The following ALDH1L2 variants were observed in gnomAD, a reference collection of about 807,000 sequenced individuals.
The protein encoded by ALDH1L2 is mitochondrial 10-formyltetrahydrofolate dehydrogenase.
Under a neutral mutation model 111.0 loss-of-function variants are expected in ALDH1L2, and 91 were observed. That is an observed-to-expected ratio of 0.82 (90% CI 0.69 to 0.98). The LOEUF (loss-of-function observed/expected upper bound fraction) is 0.98, where lower values mean the gene tolerates loss of function less well. Among genes scored for constraint, ALDH1L2 ranks in the 50% least tolerant of loss-of-function variants. ALDH1L2 has a pLI of 0.00. For synonymous variants in ALDH1L2, 374 were observed against 392.6 expected (o/e 0.95, Z 0.56); for missense variants, 995 against 1,126.8 (o/e 0.88, Z 1.67).
In ALDH1L2 at chr12:105,052,092, A is replaced by G. The variant is rs774643870; in HGVS notation, c.1533T>C (p.Tyr511=). ...MNARERGRLM[Y]RLADLLEENQ... ...AAAAAAATAAAAAATAGAAATACCT[A>G]TACATCAATCTTCCTCTTTCTCTTG... Residue 511 remains tyrosine (Y), a splice_region_variant and synonymous_variant, in exon 12 of 23, where the codon TAT becomes TAC. Coordinates refer to ENST00000258494, the MANE Select transcript of ALDH1L2 (RefSeq NM_001034173.4). 4 of 1,599,224 alleles carry G rather than the reference A, an allele frequency of 2.5e-6. No individual in the cohort carries two copies. In the East Asian group the frequency reaches 6.8e-5, roughly 27 times the overall value.
At chr12:105,036,499 A>ATG (rs1191747826) in intron 18 of ALDH1L2, among the ~76,000 whole-genome samples, 1 of 60,536 alleles carries the variant, frequency 1.7e-5, no homozygotes, top group Non-Finnish European at 3.0e-5. Flanking sequence ...ATATTTATAT[A>ATG]TGTATATATA....
rs573930624 is a variant in ALDH1L2 at position 105,060,887 on chromosome 12, A to G, written c.1139+94T>C. The G allele has an allele frequency of 2.7e-5, 29 of 1,093,254 alleles. No individual in the cohort carries two copies. The South Asian group carries it at 3.5e-4, about 13-fold the overall frequency. The allele number at this position is 1,093,254 out of a possible 1,614,324, so 67.7% of individuals were successfully genotyped here. ...TAGGTATGATAAGGTAATCACATCC[A>G]GAACAAAGGATGTGTGTGGATTTCA... On this transcript the variant is annotated intron_variant, in intron 9 of 22. Transcript: ENST00000258494.
chr12:105,055,201 T>C (rs922197825), intron 10 of ALDH1L2, among the ~76,000 whole-genome samples: 1 of 152,180 alleles, frequency 6.6e-6, no homozygotes, highest in African/African-American at 2.4e-5. Context: ...AACTGCCTGC[T>C]GGAGCACTGA....
intron 15 of ALDH1L2, 144 bp downstream of exon 15, chr12:105,046,566 C>G: frequency 3.0e-6 from 2 of 658,686 alleles, no homozygotes; most frequent in Non-Finnish European, 5.1e-6. Flanking sequence ...TGAATATTTA[C>G]TGACATGAAA....
intron 2 of ALDH1L2, among the ~76,000 whole-genome samples, chr12:105,071,626 A>ATTTT: frequency 2.0e-4 from 3 of 14,950 alleles, no homozygotes; most frequent in African/African-American, 1.1e-3. Context: ...ATATATATAT[A>ATTTT]TATATATATA....
intron 21 of ALDH1L2, 140 bp from the exon 22 acceptor site, chr12:105,026,884 T>C: frequency 9.4e-7 from 1 of 1,059,552 alleles, no homozygotes; most frequent in Non-Finnish European, 1.4e-6. Context: ...TTGTTGTTTT[T>C]TAGAGGCCAG....
At chr12:105,038,998 A>G (rs1439219680) in intron 17 of ALDH1L2, among the ~76,000 whole-genome samples, 1 of 152,182 alleles carries the variant, frequency 6.6e-6, no homozygotes, top group African/African-American at 2.4e-5. Flanking sequence ...TATTTAAAGC[A>G]TTTTGAAAAT....
intron 4 of ALDH1L2, among the ~76,000 whole-genome samples, chr12:105,067,231 A>AAAAG (rs1555227248): frequency 6.8e-6 from 1 of 146,292 alleles, no homozygotes; most frequent in South Asian, 2.1e-4. Flanking sequence ...AAAAAAAAAA[A>AAAAG]AAAAGAAAAG....
intron 4 of ALDH1L2, 32 bp downstream of exon 4, chr12:105,068,687 T>G (rs373164536): frequency 1.2e-5 from 17 of 1,407,146 alleles, no homozygotes; most frequent in East Asian, 7.9e-5. Context: ...CTTTAAAGGT[T>G]TACTAAATTC....
At chr12:105,050,920 A>T (rs1401718683) in intron 12 of ALDH1L2, among the ~76,000 whole-genome samples, 1 of 152,148 alleles carries the variant, frequency 6.6e-6, no homozygotes, top group African/African-American at 2.4e-5. Context: ...ACAATTCAAG[A>T]TGAGATTTGG....
intron 5 of ALDH1L2, 84 bp downstream of exon 5, chr12:105,066,484 G>T: frequency 7.5e-7 from 1 of 1,327,926 alleles, no homozygotes. Context: ...CTTACCTTTT[G>T]GCAAGATCAT....
At position 105,068,819 on chromosome 12, in the gene ALDH1L2, G is replaced by C; in HGVS notation, c.494C>G (p.Thr165Arg). 6.2e-7 allele frequency: 1 copy of C among 1,608,324 alleles called. No homozygotes were observed. Among genetic ancestry groups the C allele is most frequent in the Non-Finnish European group, 8.5e-7 (1 of 1,177,398 alleles). ...SVFWADDGLD[T>R]GPILLQRSCD... ...TGATCTCTGAAGAAGGATGGGTCCT[G>C]TATCCAAGCCATCATCAGCCCAGAA... The change falls in exon 4 of 23, where the codon ACA becomes AGA. Residue 165 changes from threonine to arginine, a missense_variant. Transcript: ENST00000258494.
rs535929158 is a variant in ALDH1L2 at position 105,068,011 on chromosome 12, A to G, written c.594+708T>C. ...TAAGCGACTTGCCTGTGGTCATGCAACAAAGAAGAGGTAGAATGGAAACTT... is the reference window on the plus strand; with the variant it reads ...TAAGCGACTTGCCTGTGGTCATGCAGCAAAGAAGAGGTAGAATGGAAACTT... On this transcript the variant is annotated intron_variant, in intron 4 of 22. Transcript: ENST00000258494. Among the ~76,000 whole-genome samples, 72 of 152,330 alleles carry G rather than the reference A, an allele frequency of 4.7e-4. 1 individual carries two copies. Among genetic ancestry groups the G allele is most frequent in the South Asian group, 3.7e-3 (18 of 4,828 alleles).
At chr12:105,049,809 A>G in intron 13 of ALDH1L2, 99 bp downstream of exon 13, 10 of 1,359,844 alleles carry the variant, frequency 7.4e-6, no homozygotes, top group Non-Finnish European at 9.8e-6. Context: ...ATGTTGGTGT[A>G]AAAAAATCTA....
chr12:105,063,651 G>A (rs1181011400), intron 6 of ALDH1L2, among the ~76,000 whole-genome samples: 1 of 135,434 alleles, frequency 7.4e-6, no homozygotes, highest in Non-Finnish European at 1.6e-5. Context: ...TTTATAGCCT[G>A]AAGGTAGGGT....
At chr12:105,067,722 C>T (rs528954332) in intron 4 of ALDH1L2, among the ~76,000 whole-genome samples, 15 of 152,256 alleles carry the variant, frequency 9.9e-5, no homozygotes, top group African/African-American at 2.4e-4. Flanking sequence ...CAAGAGCACA[C>T]GGAGGGAGCC....
At chr12:105,071,614 G>A (rs1160330096) in intron 2 of ALDH1L2, among the ~76,000 whole-genome samples, 3 of 25,270 alleles carry the variant, frequency 1.2e-4, no homozygotes, top group Admixed American at 7.3e-4. Context: ...TATATAAGTA[G>A]TATATATATA....
At chr12:105,037,257 G>A (rs11112326) in intron 18 of ALDH1L2, among the ~76,000 whole-genome samples, 11,231 of 152,156 alleles carry the variant, frequency 0.074, 459 homozygotes, top group Middle Eastern at 0.092. Context: ...TTTATACTTT[G>A]AAATAGTTTA....
rs1876314298 is a variant in ALDH1L2 at position 105,052,090 on chromosome 12, C to G, written c.1535G>C (p.Arg512Thr). Residue 512 changes from arginine (R) to threonine (T), a missense_variant and splice_region_variant, in exon 12 of 23, where the codon AGA (arginine) becomes ACA (threonine). Physicochemically the swap from Arg to Thr is moderately conservative, Grantham distance 71. Transcript: ENST00000258494. ...NARERGRLMY[R>T]LADLLEENQE... Reference sequence around the variant, plus strand: ...ATAAAAAAATAAAAAATAGAAATACCTATACATCAATCTTCCTCTTTCTCT... The same window carrying G: ...ATAAAAAAATAAAAAATAGAAATACGTATACATCAATCTTCCTCTTTCTCT... The G allele has an allele frequency of 6.3e-7, 1 of 1,597,568 alleles. No individual in the cohort carries two copies. Among genetic ancestry groups the G allele is most frequent in the Admixed American group, 1.8e-5 (1 of 56,922 alleles).
Sources: gnomAD v4.1 joint callset for allele counts (sites outside exome capture counted in the v4.1 genomes callset) on GRCh38, gnomAD v4.1.1 for gene constraint, MANE v1.5 for transcripts, NCBI Gene and HGNC (gene_info 2026-07-23, HGNC 2026-07-21) for gene names.